Variants in P2RY8 observed in about 807,000 individuals in gnomAD.
The protein encoded by P2RY8 is P2Y receptor family member 8.
A neutral mutation model predicts 10.0 loss-of-function variants in P2RY8; 6 were observed. The ratio of observed to expected loss-of-function variants is 0.60; its 90% CI spans 0.33 to 1.19. P2RY8 has a LOEUF of 1.19. Ranked by LOEUF, P2RY8 falls within the 50% of genes most tolerant of loss-of-function variation. The probability of loss-of-function intolerance (pLI) is 0.04; values close to 1 mark genes in which losing one functional copy is unlikely to be tolerated. For synonymous variants in P2RY8, 276 were observed against 252.5 expected (o/e 1.09, Z -0.88); for missense variants, 456 against 542.0 (o/e 0.84, Z 1.58).
chrX:1,522,175 G>T (rs767344961), intron 1 of P2RY8, among the ~76,000 whole-genome samples: 21 of 150,502 alleles, frequency 1.4e-4, no homozygotes, highest in African/African-American at 4.9e-4. Flanking sequence ...GGCTAGTCTC[G>T]AACCCCTGAC....
At chrX:1,531,809 G>C (rs73186990) in intron 1 of P2RY8, among the ~76,000 whole-genome samples, 10,803 of 152,160 alleles carry the variant, frequency 0.071, 525 homozygotes, top group Non-Finnish European at 0.1. Context: ...ATGAAAACAC[G>C]CTCAACATCA....
At chrX:1,512,236 G>A (rs1309454720) in intron 1 of P2RY8, among the ~76,000 whole-genome samples, 1 of 152,056 alleles carries the variant, frequency 6.6e-6, no homozygotes, top group East Asian at 1.9e-4. Flanking sequence ...GTATTAGTCT[G>A]TTCTCACGCT....
chrX:1,516,939 G>A lies in P2RY8; in HGVS notation c.-25+19982C>T, dbSNP rs1347401075. Among the ~76,000 whole-genome samples, 8 of 147,592 alleles carry A rather than the reference G, an allele frequency of 5.4e-5. No homozygotes were observed. The South Asian group carries it at 8.6e-4, about 16-fold the overall frequency. ...TCAATGTCTGTTGTGTATAAGCCAC[G>A]CAGTCTATGGTATTCTGTGTTAGCA... On this transcript the variant is annotated intron_variant, in intron 1 of 1. Coordinates refer to ENST00000381297, the MANE Select transcript of P2RY8 (RefSeq NM_178129.5).
chrX:1,480,247 C>T (rs1207065023), intron 1 of P2RY8, among the ~76,000 whole-genome samples: 2 of 152,054 alleles, frequency 1.3e-5, no homozygotes, highest in African/African-American at 4.8e-5. Flanking sequence ...GGTTTCAACT[C>T]ATATTTTCAT....
intron 1 of P2RY8, among the ~76,000 whole-genome samples, chrX:1,524,105 G>A (rs1312062006): frequency 7.9e-5 from 12 of 152,218 alleles, no homozygotes; most frequent in South Asian, 6.2e-4. Flanking sequence ...ACGTCTCCCC[G>A]TAACCCCGTT....
At chrX:1,494,502 T>G (rs1210640378) in intron 1 of P2RY8, 4 of 152,018 alleles carry the variant, frequency 2.6e-5, no homozygotes, top group Admixed American at 1.3e-4. Context: ...TTATGTGTTT[T>G]TCTCCTAATG....
intron 1 of P2RY8, among the ~76,000 whole-genome samples, chrX:1,533,651 A>G (rs2092499162): frequency 7.9e-6 from 1 of 126,524 alleles, no homozygotes; most frequent in South Asian, 2.4e-4. Flanking sequence ...TTTATTATTT[A>G]CATATTTATT....
At chrX:1,500,916 C>T (rs1468342195) in intron 1 of P2RY8, among the ~76,000 whole-genome samples, 2 of 152,142 alleles carry the variant, frequency 1.3e-5, no homozygotes, top group Admixed American at 1.3e-4. Flanking sequence ...GACACAACCT[C>T]CCCGCCAGAG....
intron 1 of P2RY8, among the ~76,000 whole-genome samples, chrX:1,484,310 A>C (rs1307439130): frequency 1.3e-5 from 2 of 152,140 alleles, no homozygotes; most frequent in Non-Finnish European, 2.9e-5. Context: ...AGCAGTGATC[A>C]TAGACAGAGA....
At chrX:1,482,519 A>G (rs1284614719) in intron 1 of P2RY8, among the ~76,000 whole-genome samples, 1 of 152,134 alleles carries the variant, frequency 6.6e-6, no homozygotes, top group Non-Finnish European at 1.5e-5. Context: ...TCTCTGTTTA[A>G]AGATCGTTGC....
At chrX:1,532,326 A>G (rs867197004) in intron 1 of P2RY8, among the ~76,000 whole-genome samples, 8 of 105,462 alleles carry the variant, frequency 7.6e-5, no homozygotes, top group Non-Finnish European at 1.1e-4. Flanking sequence ...ACACACACGT[A>G]TATATACACA....
intron 1 of P2RY8, among the ~76,000 whole-genome samples, chrX:1,517,319 T>G (rs1430265928): frequency 3.9e-5 from 6 of 152,060 alleles, no homozygotes; most frequent in Non-Finnish European, 1.5e-5. Flanking sequence ...GAGAGAGGCC[T>G]CAGGAGGAAC....
At chrX:1,496,047 A>T (rs60984237) in intron 1 of P2RY8, among the ~76,000 whole-genome samples, 5,666 of 152,064 alleles carry the variant, frequency 0.037, 364 homozygotes, top group African/African-American at 0.13. Context: ...TGTGGGAGAA[A>T]CAATGTCTGT....
At chrX:1,499,725 CAA>C (rs759788531) in intron 1 of P2RY8, among the ~76,000 whole-genome samples, 64 of 151,978 alleles carry the variant, frequency 4.2e-4, no homozygotes, top group Admixed American at 3.0e-3. Context: ...ACAACCTGAC[CAA>C]AACTTTCTAA....
chrX:1,509,751 G>GTCTATCTATCTATCTATCTA (rs1307366915), intron 1 of P2RY8, among the ~76,000 whole-genome samples: 5,564 of 78,114 alleles, frequency 0.071, 601 homozygotes, highest in African/African-American at 0.1. Context: ...GTATCTATCT[G>GTCTATCTATCTATCTATCTA]TCTATCTATC....
At chrX:1,534,983 T>C (rs2092513608) in intron 1 of P2RY8, among the ~76,000 whole-genome samples, 1 of 151,944 alleles carries the variant, frequency 6.6e-6, no homozygotes, top group African/African-American at 2.4e-5. Context: ...CTGAAAAGCA[T>C]GTGCTTTTAC....
At chrX:1,527,054 T>C (rs1301840160) in intron 1 of P2RY8, among the ~76,000 whole-genome samples, 1 of 152,006 alleles carries the variant, frequency 6.6e-6, no homozygotes, top group Non-Finnish European at 1.5e-5. Context: ...CTACCACGCC[T>C]GGCTAATTTT....
At chrX:1,530,656 A>G (rs1202265172) in intron 1 of P2RY8, among the ~76,000 whole-genome samples, 1 of 150,676 alleles carries the variant, frequency 6.6e-6, no homozygotes, top group Non-Finnish European at 1.5e-5. Flanking sequence ...TCATCTATCT[A>G]TGTATCTCTC....
At position 1,521,658 on chromosome X, in the gene P2RY8, A is replaced by G. The variant is rs774381147; in HGVS notation, c.-25+15263T>C. Among the ~76,000 whole-genome samples the G allele has an allele frequency of 2.6e-5, 4 of 152,292 alleles. No homozygotes were observed. In the South Asian group the frequency reaches 8.3e-4, roughly 32 times the overall value. ...GGAATGTGGACCGTCAGTCATTTGC[A>G]TGAGTGCTTAGAAACGGCAAAGGAA... On this transcript the variant is annotated intron_variant, in intron 1 of 1. Transcript: ENST00000381297.
Sources: allele counts gnomAD v4.1 joint callset (sites outside exome capture counted in the v4.1 genomes callset), GRCh38; gene constraint gnomAD v4.1.1; transcripts MANE v1.5; gene names NCBI Gene and HGNC (gene_info 2026-07-23, HGNC 2026-07-21).